The following C6 variants were observed in gnomAD, a reference collection of about 807,000 sequenced individuals.
C6 encodes complement C6.
C6 carries 101 observed loss-of-function variants against 112.9 expected under a neutral mutation model. The ratio of observed to expected loss-of-function variants is 0.89; its 90% CI spans 0.76 to 1.06. The LOEUF is 1.06. C6 is among the 50% of genes least tolerant of loss of function. The pLI, the probability that C6 is intolerant of heterozygous loss-of-function variation, is 0.00. For missense variants in C6, 1,202 were observed against 1,104.6 expected (o/e 1.09, Z -1.25); for synonymous variants, 431 against 384.1 (o/e 1.12, Z -1.43).
At chr5:41,148,951 C>T (rs1746108972) in intron 17 of C6, among the ~76,000 whole-genome samples, 1 of 152,126 alleles carries the variant, frequency 6.6e-6, no homozygotes, top group African/African-American at 2.4e-5. Flanking sequence ...GGAAGGATGC[C>T]TGAAACACGA....
chr5:41,199,294 G>T (rs1241788239), intron 4 of C6, among the ~76,000 whole-genome samples: 1 of 152,048 alleles, frequency 6.6e-6, no homozygotes, highest in Non-Finnish European at 1.5e-5. Context: ...ATGAACTATG[G>T]CCTGTAGGCT....
chr5:41,166,820 A>G (rs563289320), intron 9 of C6, among the ~76,000 whole-genome samples: 3 of 151,850 alleles, frequency 2.0e-5, no homozygotes, highest in Admixed American at 1.3e-4. Flanking sequence ...AAATTTTTCA[A>G]TTTTGAAATT....
At chr5:41,148,432 G>A (rs1746056396) in intron 17 of C6, among the ~76,000 whole-genome samples, 1 of 152,072 alleles carries the variant, frequency 6.6e-6, no homozygotes, top group South Asian at 2.1e-4. Flanking sequence ...CAAGACCCAG[G>A]GGCCAATTTT....
intron 6 of C6, among the ~76,000 whole-genome samples, chr5:41,182,913 G>A (rs1232939883): frequency 6.6e-6 from 1 of 152,202 alleles, no homozygotes; most frequent in Non-Finnish European, 1.5e-5. Context: ...ACATTGATAA[G>A]GAAATGAGTT....
Position 41,258,386 on chromosome 5 carries a change from A to G in C6, c.-21+2808T>C, listed in dbSNP as rs115450996. Reference sequence around the variant, plus strand: ...GTATCTACACTGTAGTAATTTCATGATTTGGTTTAATGATTTTATTAGCTG... The same window carrying G: ...GTATCTACACTGTAGTAATTTCATGGTTTGGTTTAATGATTTTATTAGCTG... On this transcript the variant is annotated intron_variant, in intron 1 of 17. Coordinates refer to the C6 transcript ENST00000263413. Among the ~76,000 whole-genome samples the G allele has an allele frequency of 9.7e-3, 1,484 of 152,242 alleles. 30 individuals carry two copies. The highest frequency in any genetic ancestry group is 0.034 in the African/African-American group (1,409 of 41,538).
intron 1 of C6, among the ~76,000 whole-genome samples, chr5:41,259,573 A>G (rs1741917306): frequency 6.6e-6 from 1 of 152,098 alleles, no homozygotes; most frequent in Non-Finnish European, 1.5e-5. Flanking sequence ...TTTTCCTACA[A>G]CAAGACTTAA....
Position 41,195,881 on chromosome 5 carries a change from G to T in C6, c.498C>A (p.Asp166Glu), listed in dbSNP as rs781326343. 6.2e-7 allele frequency: 1 copy of T among 1,613,870 alleles called. No individual in the cohort carries two copies. Among genetic ancestry groups the T allele is most frequent in the Non-Finnish European group, 8.5e-7 (1 of 1,179,864 alleles). Reference protein sequence around the residue: ...LECNGENDCGDNSDERDCGRT... With the variant: ...LECNGENDCGENSDERDCGRT... ...TCCCACAGTCCCTTTCATCTGAATT[G>T]TCTCCACAGTCATTTTCTCCATTGC... Residue 166 changes from aspartate to glutamate, a missense_variant, in exon 5 of 18, where the codon GAC becomes GAA. Asp to Glu is a conservative substitution (Grantham distance 45). Transcript: ENST00000337836.
rs150838793 is a variant in C6 at position 41,183,661 on chromosome 5, C to T, written c.727-2102G>A. The stretch of plus-strand genomic sequence containing the variant: ...ATCCAAAAGAAAACAAATTGTTCTA[C>T]CAAAAAGACACATGCACTTGCATGT... On this transcript the variant is annotated intron_variant, in intron 6 of 17. Coordinates refer to ENST00000337836, the MANE Select transcript of C6 (RefSeq NM_000065.5). 3.0e-3 allele frequency among the ~76,000 whole-genome samples: 455 copies of T among 152,222 alleles called. 2 individuals carry two copies. The highest frequency in any genetic ancestry group is 0.01 in the African/African-American group (432 of 41,550).
rs80261192 is a variant in C6, at chr5:41,252,854, C to T, written c.-21+8340G>A. Among the ~76,000 whole-genome samples the T allele has an allele frequency of 1.6e-3, 239 of 152,242 alleles. 11 individuals carry two copies. The East Asian group carries it at 0.043, about 28-fold the overall frequency. On this transcript the variant is annotated intron_variant, in intron 1 of 17. Coordinates refer to the C6 transcript ENST00000263413. ...CCAATCAGAAAATCTTTGACTCCACCGTTGGCATGTGAGTGGGCTGAACCA... is the reference window on the plus strand; with the variant it reads ...CCAATCAGAAAATCTTTGACTCCACTGTTGGCATGTGAGTGGGCTGAACCA...
intron 1 of C6, among the ~76,000 whole-genome samples, chr5:41,205,979 A>G (rs1166093645): frequency 1.3e-5 from 2 of 152,188 alleles, no homozygotes; most frequent in Non-Finnish European, 2.9e-5. Flanking sequence ...GTACGGGCCG[A>G]CTGACACCTC....
chr5:41,226,264 C>CT (rs911638046), intron 1 of C6, among the ~76,000 whole-genome samples: 38 of 152,092 alleles, frequency 2.5e-4, no homozygotes, highest in African/African-American at 8.9e-4. Context: ...AAGACAAAAA[C>CT]AAACAACCCC....
chr5:41,160,483 G>A, intron 10 of C6, 116 bp from the exon 11 acceptor site: 2 of 788,034 alleles, frequency 2.5e-6, no homozygotes, highest in Non-Finnish European at 4.4e-6. Flanking sequence ...ACTTCAAAGG[G>A]ATTATTGCAG....
intron 9 of C6, 42 bp downstream of exon 9, chr5:41,172,183 T>C (rs1748475018): frequency 6.2e-7 from 1 of 1,609,294 alleles, no homozygotes; most frequent in Non-Finnish European, 8.5e-7. Flanking sequence ...ACAGCCAGGC[T>C]CAGGGCACAC....
intron 1 of C6, among the ~76,000 whole-genome samples, chr5:41,224,233 T>G (rs1452102462): frequency 6.6e-6 from 1 of 152,186 alleles, no homozygotes; most frequent in Non-Finnish European, 1.5e-5. Context: ...TCTCTTAAAA[T>G]AGCTTTATTG....
chr5:41,154,550 C>T (rs187189996), intron 14 of C6, among the ~76,000 whole-genome samples: 227 of 152,198 alleles, frequency 1.5e-3, no homozygotes, highest in Non-Finnish European at 2.0e-3. Flanking sequence ...AGTGTCTTGG[C>T]GAAAACTACG....
At chr5:41,143,240 G>C (rs543075527) in intron 17 of C6, among the ~76,000 whole-genome samples, 1 of 152,126 alleles carries the variant, frequency 6.6e-6, no homozygotes, top group African/African-American at 2.4e-5. Flanking sequence ...TGACTGAATA[G>C]AGAGATCTGT....
At chr5:41,260,260 C>T (rs538083754) in intron 1 of C6, among the ~76,000 whole-genome samples, 35 of 151,710 alleles carry the variant, frequency 2.3e-4, no homozygotes, top group African/African-American at 8.3e-4. Flanking sequence ...AACACACACA[C>T]AAACACACCA....
At chr5:41,159,275 T>C (rs1223148580) in intron 11 of C6, 22 bp from the exon 12 acceptor site, 1 of 1,610,740 alleles carries the variant, frequency 6.2e-7, no homozygotes, top group Admixed American at 1.7e-5. Flanking sequence ...GAAGACTCAC[T>C]CCCATGGATC....
At chr5:41,246,276 T>C (rs1427903142) in intron 1 of C6, among the ~76,000 whole-genome samples, 1 of 152,198 alleles carries the variant, frequency 6.6e-6, no homozygotes, top group East Asian at 1.9e-4. Context: ...AGGCCATTGC[T>C]TGTAAATCAA....
Sources: gnomAD v4.1 joint callset for allele counts (sites outside exome capture counted in the v4.1 genomes callset) on GRCh38, gnomAD v4.1.1 for gene constraint, MANE v1.5 for transcripts, NCBI Gene and HGNC (gene_info 2026-07-23, HGNC 2026-07-21) for gene names.